The following ADCY8 variants were observed in gnomAD, a reference collection of about 807,000 sequenced individuals.
The protein encoded by ADCY8 is adenylate cyclase type 8.
ADCY8 carries 51 observed loss-of-function variants against 119.7 expected under a neutral mutation model. That is an observed-to-expected ratio of 0.43 (90% CI 0.34 to 0.54). ADCY8 has a LOEUF of 0.54. Among genes scored for constraint, ADCY8 ranks in the 20% least tolerant of loss-of-function variants. ADCY8 has a pLI of 0.03. For missense variants in ADCY8, 1,383 were observed against 1,598.8 expected (o/e 0.87, Z 2.30); for synonymous variants, 665 against 651.0 (o/e 1.02, Z -0.33).
chr8:130,808,646 G>T (rs1509851), intron 14 of ADCY8, among the ~76,000 whole-genome samples: 12,628 of 152,218 alleles, frequency 0.083, 761 homozygotes, highest in Admixed American at 0.18. Flanking sequence ...CCTACACACG[G>T]CCTTTCTATA....
At chr8:130,953,901 C>T (rs1366674681) in intron 2 of ADCY8, among the ~76,000 whole-genome samples, 3 of 152,210 alleles carry the variant, frequency 2.0e-5, no homozygotes, top group African/African-American at 7.2e-5. Context: ...ATGCTTTCTG[C>T]AAATGCCCCA....
rs184380415 is a variant in ADCY8 at position 130,870,961 on chromosome 8, G to A, written c.2110-3015C>T. Among the ~76,000 whole-genome samples, 677 of 150,966 alleles carry A rather than the reference G, an allele frequency of 4.5e-3. 2 individuals carry two copies. The highest frequency in any genetic ancestry group is 7.9e-3 in the Non-Finnish European group (532 of 67,510). Reference sequence around the variant, plus strand: ...CGTTAATGTAGTTCATAAGTTTGAAGCATTCTATTATTTTCCTGTTTGAAC... The same window carrying A: ...CGTTAATGTAGTTCATAAGTTTGAAACATTCTATTATTTTCCTGTTTGAAC... On this transcript the variant is annotated intron_variant, in intron 8 of 17. Coordinates refer to ENST00000286355, the MANE Select transcript of ADCY8 (RefSeq NM_001115.3).
intron 1 of ADCY8, among the ~76,000 whole-genome samples, chr8:131,033,485 A>T (rs994081846): frequency 1.3e-5 from 2 of 152,304 alleles, no homozygotes; most frequent in East Asian, 3.9e-4. Context: ...CTAGAAGCAA[A>T]GTCCTCCCAA....
intron 5 of ADCY8, among the ~76,000 whole-genome samples, chr8:130,915,777 G>T (rs1820109787): frequency 2.0e-5 from 3 of 152,104 alleles, no homozygotes; most frequent in Admixed American, 6.5e-5. Context: ...ACCCTTTTCT[G>T]CTAAAACTCT....
At chr8:130,955,120 C>A (rs570337119) in intron 2 of ADCY8, among the ~76,000 whole-genome samples, 1 of 152,078 alleles carries the variant, frequency 6.6e-6, no homozygotes, top group East Asian at 1.9e-4. Context: ...AAGAGGGAGA[C>A]TTTATAGGTA....
chr8:130,830,376 G>A (rs1586458441), intron 12 of ADCY8, among the ~76,000 whole-genome samples: 1 of 152,074 alleles, frequency 6.6e-6, no homozygotes, highest in Non-Finnish European at 1.5e-5. Flanking sequence ...GGGTGGAGGG[G>A]TCAGCTTTCC....
chr8:130,975,280 TA>T (rs878866871), intron 2 of ADCY8, among the ~76,000 whole-genome samples: 1 of 152,242 alleles, frequency 6.6e-6, no homozygotes, highest in Admixed American at 6.5e-5. Context: ...CATATCTCTC[TA>T]CCATCCCACT....
rs150748885 is a variant in ADCY8, at chr8:130,919,303, GCACA to G, written c.1482-9441_1482-9438del. 1.3e-3 allele frequency among the ~76,000 whole-genome samples: 202 copies of G among 149,956 alleles called. 1 individual carries two copies. Among genetic ancestry groups the G allele is most frequent in the Middle Eastern group, 3.4e-3 (1 of 290 alleles). On this transcript the variant is annotated intron_variant, in intron 5 of 17. Transcript: ENST00000286355. ...TGTGTGCATTATTTAACTCACACTC[GCACA>G]CACACACACACACACCACACACATG...
chr8:130,794,347 T>C (rs1563666800), intron 15 of ADCY8, among the ~76,000 whole-genome samples: 1 of 152,114 alleles, frequency 6.6e-6, no homozygotes, highest in East Asian at 1.9e-4. Context: ...CAGGTTCAAG[T>C]GATTCTCCTG....
In ADCY8 at chr8:130,922,213, T is replaced by C. The variant is rs1025189199; in HGVS notation, c.1482-12347A>G. Among the ~76,000 whole-genome samples, 23 of 151,662 alleles carry C rather than the reference T, an allele frequency of 1.5e-4. 1 individual carries two copies. The Middle Eastern group carries it at 0.017, about 112-fold the overall frequency. On this transcript the variant is annotated intron_variant, in intron 5 of 17. Transcript: ENST00000286355. ...ATAAGAAATAAATTCCCTTTCTTTT[T>C]TTTTTTTTTTTTTTAATTGATCATT...
At chr8:130,975,900 G>A (rs1320032942) in intron 2 of ADCY8, among the ~76,000 whole-genome samples, 2 of 152,052 alleles carry the variant, frequency 1.3e-5, no homozygotes, top group African/African-American at 4.8e-5. Flanking sequence ...GACACTGCCC[G>A]CAATTCTGAA....
intron 9 of ADCY8, among the ~76,000 whole-genome samples, chr8:130,864,937 G>C (rs1004687255): frequency 1.3e-5 from 2 of 152,006 alleles, no homozygotes; most frequent in Non-Finnish European, 2.9e-5. Context: ...TATTGTATCA[G>C]GTAATAGAAA....
intron 2 of ADCY8, among the ~76,000 whole-genome samples, chr8:130,956,566 C>T (rs1047878228): frequency 2.6e-5 from 4 of 152,182 alleles, no homozygotes; most frequent in East Asian, 3.9e-4. Context: ...CACCTGTTTG[C>T]TTATATACCA....
At chr8:130,981,593 A>G (rs1822242426) in intron 2 of ADCY8, among the ~76,000 whole-genome samples, 1 of 151,996 alleles carries the variant, frequency 6.6e-6, no homozygotes, top group African/African-American at 2.4e-5. Flanking sequence ...AAAGGTGTTG[A>G]GGTCCCTGAT....
chr8:130,866,617 C>G (rs1818132954), intron 9 of ADCY8, among the ~76,000 whole-genome samples: 1 of 152,196 alleles, frequency 6.6e-6, no homozygotes, highest in Non-Finnish European at 1.5e-5. Context: ...CCTCTCTCAT[C>G]TTAGTGAAAT....
intron 12 of ADCY8, among the ~76,000 whole-genome samples, chr8:130,826,148 C>A (rs559620773): frequency 6.6e-6 from 1 of 152,226 alleles, no homozygotes; most frequent in South Asian, 2.1e-4. Context: ...ACTAGTAGTT[C>A]ATAGTTTCCC....
chr8:130,852,872 TC>T (rs1357015107), intron 9 of ADCY8, among the ~76,000 whole-genome samples: 3 of 152,230 alleles, frequency 2.0e-5, no homozygotes, highest in Non-Finnish European at 2.9e-5. Flanking sequence ...GGCTCAGCTT[TC>T]CTTTGGATTC....
At chr8:130,832,700 T>C (rs1816875508) in intron 12 of ADCY8, among the ~76,000 whole-genome samples, 2 of 152,214 alleles carry the variant, frequency 1.3e-5, no homozygotes, top group Non-Finnish European at 2.9e-5. Flanking sequence ...CCTGGAGTTA[T>C]ATTTACTTTC....
At chr8:130,845,479 C>G (rs1817267201) in intron 11 of ADCY8, among the ~76,000 whole-genome samples, 1 of 152,148 alleles carries the variant, frequency 6.6e-6, no homozygotes, top group East Asian at 1.9e-4. Context: ...GGTTCCACTT[C>G]TAGCAAGTGA....
Sources: gnomAD v4.1 joint callset for allele counts (sites outside exome capture counted in the v4.1 genomes callset) on GRCh38, gnomAD v4.1.1 for gene constraint, MANE v1.5 for transcripts, NCBI Gene and HGNC (gene_info 2026-07-23, HGNC 2026-07-21) for gene names.